The following NBAS variants were observed in gnomAD, a reference collection of about 807,000 sequenced individuals.
NBAS encodes NBAS subunit of NRZ tethering complex, also known as NAG/BC035112 fusion.
NBAS carries 219 observed loss-of-function variants against 302.5 expected under a neutral mutation model. The ratio of observed to expected loss-of-function variants is 0.72; its 90% CI spans 0.65 to 0.81. The LOEUF is 0.81. NBAS is among the 30% of genes least tolerant of loss of function. The pLI is 0.00. For synonymous variants in NBAS, 1,118 were observed against 1,021.6 expected (o/e 1.09, Z -1.80); for missense variants, 2,932 against 2,841.6 (o/e 1.03, Z -0.72).
chr2:14,828,494 C>T, the NBAS span, among the ~76,000 whole-genome samples: 1 of 152,132 alleles, frequency 6.6e-6, no homozygotes, highest in Non-Finnish European at 1.5e-5. Context: ...GTCTTTCAAA[C>T]CACATGAGAG....
chr2:15,172,752 G>C (rs1664354412), intron 51 of NBAS, among the ~76,000 whole-genome samples: 1 of 152,176 alleles, frequency 6.6e-6, no homozygotes, highest in Non-Finnish European at 1.5e-5. Flanking sequence ...ATAAATATGA[G>C]ACAAGTCCAG....
At chr2:15,085,388 A>G in the NBAS span, among the ~76,000 whole-genome samples, 1 of 151,858 alleles carries the variant, frequency 6.6e-6, no homozygotes, top group South Asian at 2.1e-4. Context: ...CGTGGAAGTG[A>G]CCGCCGAGCC....
At chr2:14,985,606 C>T in the NBAS span, among the ~76,000 whole-genome samples, 16 of 152,170 alleles carry the variant, frequency 1.1e-4, no homozygotes, top group African/African-American at 3.9e-4. Context: ...GCAATAACTG[C>T]TGTTTCAATG....
At chr2:15,213,558 A>G (rs530296360) in intron 48 of NBAS, among the ~76,000 whole-genome samples, 73 of 152,336 alleles carry the variant, frequency 4.8e-4, no homozygotes, top group African/African-American at 1.6e-3. Context: ...CCTGGAAAAT[A>G]GGAAGAAGTG....
the NBAS span, among the ~76,000 whole-genome samples, chr2:14,847,301 T>C: frequency 7.0e-6 from 1 of 142,436 alleles, no homozygotes; most frequent in African/African-American, 2.6e-5. Flanking sequence ...GAGAATGGCA[T>C]GAACCCAGGA....
the NBAS span, among the ~76,000 whole-genome samples, chr2:15,058,364 G>A: frequency 1.3e-5 from 2 of 152,294 alleles, no homozygotes; most frequent in Middle Eastern, 3.4e-3. Flanking sequence ...AACAAAAATT[G>A]TCCAGTCCAA....
At chr2:15,165,953 T>C (rs1272772141), downstream of NBAS, among the ~76,000 whole-genome samples, 2 of 152,192 alleles carry the variant, frequency 1.3e-5, no homozygotes, top group African/African-American at 4.8e-5. Flanking sequence ...CGCCTTAGTG[T>C]AGATGGATGC....
Position 15,234,625 on chromosome 2 carries a change from T to C in NBAS, c.6066A>G (p.Leu2022=), listed in dbSNP as rs765929998. The C allele has an allele frequency of 2.5e-6, 4 of 1,614,050 alleles. No homozygotes were observed. The highest frequency in any genetic ancestry group is 1.3e-5 in the African/African-American group (1 of 74,948). The change falls in exon 46 of 52, where the codon CTA becomes CTG. Residue 2022 remains leucine, a synonymous_variant. Transcript: ENST00000281513. ...GQPLAMIQQL[L]EVAVGPLDIS... Reference sequence around the variant, plus strand: ...TGTCAAGAGGGCCAACTGCCACCTCTAGCAGCTGCTGAATCATTGCTAGAG... The same window carrying C: ...TGTCAAGAGGGCCAACTGCCACCTCCAGCAGCTGCTGAATCATTGCTAGAG...
intron 48 of NBAS, among the ~76,000 whole-genome samples, chr2:15,203,864 CTGTGTCTG>C (rs1291098880): frequency 1.7e-5 from 2 of 118,414 alleles, no homozygotes; most frequent in African/African-American, 7.1e-5. Context: ...GTGTGTGTGT[CTGTGTCTG>C]TGTGTGTGTG....
chr2:14,997,351 G>A, the NBAS span, among the ~76,000 whole-genome samples: 13 of 151,812 alleles, frequency 8.6e-5, 1 homozygote, highest in South Asian at 1.2e-3. Context: ...TAAACTATAC[G>A]TGGCTTCCCT....
At chr2:15,134,960 TC>T in the NBAS span, among the ~76,000 whole-genome samples, 1 of 152,122 alleles carries the variant, frequency 6.6e-6, no homozygotes, top group African/African-American at 2.4e-5. Context: ...TGAATGCCAT[TC>T]CCCCGTCTTG....
At chr2:15,120,399 AC>A in the NBAS span, among the ~76,000 whole-genome samples, 1 of 152,176 alleles carries the variant, frequency 6.6e-6, no homozygotes, top group East Asian at 1.9e-4. Context: ...CACACCTGCC[AC>A]ACTTCAAAAC....
At chr2:14,842,435 A>C in the NBAS span, among the ~76,000 whole-genome samples, 1 of 152,004 alleles carries the variant, frequency 6.6e-6, no homozygotes, top group Admixed American at 6.6e-5. Flanking sequence ...GACTAACTAA[A>C]AAAATGAGAG....
chr2:15,510,256 T>C (rs2287269), intron 10 of NBAS, among the ~76,000 whole-genome samples: 139,339 of 152,340 alleles, frequency 0.91, 63,891 homozygotes, highest in African/African-American at 0.98. Flanking sequence ...GTTTTTCACA[T>C]CTTTCTGGAC....
intron 21 of NBAS, among the ~76,000 whole-genome samples, chr2:15,435,634 C>T (rs1677973575): frequency 6.6e-6 from 1 of 152,142 alleles, no homozygotes; most frequent in Non-Finnish European, 1.5e-5. Flanking sequence ...ACGCTCTCAG[C>T]CACTATGGCA....
At chr2:15,364,666 A>G (rs1033781207) in intron 32 of NBAS, among the ~76,000 whole-genome samples, 11 of 152,156 alleles carry the variant, frequency 7.2e-5, no homozygotes, top group Non-Finnish European at 1.3e-4. Context: ...GAGAAATCAC[A>G]GAGAGCAGAG....
chr2:15,138,564 A>ACCTGGAGGCCAACT, the NBAS span, among the ~76,000 whole-genome samples: 5 of 152,118 alleles, frequency 3.3e-5, no homozygotes, highest in African/African-American at 1.2e-4. Context: ...AGAGCCCAGG[A>ACCTGGAGGCCAACT]CCTGGAGGCC....
Position 15,542,241 on chromosome 2 carries a change from A to G in NBAS, c.380-2885T>C, listed in dbSNP as rs1663883389. 2.3e-5 allele frequency among the ~76,000 whole-genome samples: 2 copies of G among 88,172 alleles called. 1 individual carries two copies. Among genetic ancestry groups the G allele is most frequent in the Non-Finnish European group, 5.2e-5 (2 of 38,122 alleles). The allele number at this position is 88,172 out of a possible 152,430, so 57.8% of individuals were successfully genotyped here. On this transcript the variant is annotated intron_variant, in intron 6 of 51. Transcript: ENST00000281513. ...TCGGATGGTTGCCGTGTCTGTGTAG[A>G]AAGAAGTAGACATGGGAGACTTTTC... is the stretch of plus-strand genomic sequence containing the variant.
chr2:15,131,138 ACT>A, the NBAS span, among the ~76,000 whole-genome samples: 1 of 152,130 alleles, frequency 6.6e-6, no homozygotes, highest in East Asian at 1.9e-4. Context: ...TGGATTCACA[ACT>A]CTGTGTCAGT....
Sources: allele counts gnomAD v4.1 joint callset (sites outside exome capture counted in the v4.1 genomes callset), GRCh38; gene constraint gnomAD v4.1.1; transcripts MANE v1.5; gene names NCBI Gene and HGNC (gene_info 2026-07-23, HGNC 2026-07-21).